DLGAP2: variants seen among roughly 807,000 people sequenced by gnomAD.
DLGAP2 encodes the protein DLG associated protein 2, also known as disks large-associated protein 2.
DLGAP2 carries 26 observed loss-of-function variants against 100.3 expected under a neutral mutation model. That is an observed-to-expected ratio of 0.26 (90% CI 0.19 to 0.36). The LOEUF is 0.36. Among genes scored for constraint, DLGAP2 ranks in the 10% least tolerant of loss-of-function variants. The pLI is 1.00. For synonymous variants in DLGAP2, 886 were observed against 630.1 expected, an observed-to-expected ratio of 1.41 and a Z score of -6.08; for missense variants, 1,858 against 1,453.2, an observed-to-expected ratio of 1.28 and a Z score of -4.53.
Position 853,439 on chromosome 8 carries a change from G to C in DLGAP2, c.19-54473G>C, listed in dbSNP as rs146437190. 3.2e-3 allele frequency among the ~76,000 whole-genome samples: 482 copies of C among 152,338 alleles called. 11 individuals carry two copies. The highest frequency in any genetic ancestry group is 3.7e-4 in the Non-Finnish European group (25 of 68,034). On this transcript the variant is annotated intron_variant, in intron 1 of 14. Coordinates refer to ENST00000637795, the MANE Select transcript of DLGAP2 (RefSeq NM_001346810.2). ...AGACAGCCCTGCCAGCAGGAGAGCA[G>C]GTGTGTGGTATAAACATCATCTGCA...
At chr8:1,555,242 G>A (rs1284272069) in intron 5 of DLGAP2, among the ~76,000 whole-genome samples, 1 of 152,088 alleles carries the variant, frequency 6.6e-6, no homozygotes, top group Non-Finnish European at 1.5e-5. Flanking sequence ...CGAGTTTCTG[G>A]TCTGGATCTC....
Position 1,351,954 on chromosome 8 carries a change from G to C in DLGAP2, c.106+93071G>C, listed in dbSNP as rs570952057. 7.1e-3 allele frequency among the ~76,000 whole-genome samples: 563 copies of C among 79,584 alleles called. 41 individuals carry two copies. Among genetic ancestry groups the C allele is most frequent in the African/African-American group, 0.023 (544 of 24,014 alleles). The allele number at this position is 79,584 out of a possible 152,430, so 52.2% of individuals were successfully genotyped here. ...TGACTGTGTGTGGAAAGGCCGTGCGGGTCCTGAGTGTGTGTGGAAACGCCG... is the reference window on the plus strand; with the variant it reads ...TGACTGTGTGTGGAAAGGCCGTGCGCGTCCTGAGTGTGTGTGGAAACGCCG... On this transcript the variant is annotated intron_variant, in intron 3 of 14. Transcript: ENST00000637795.
intron 2 of DLGAP2, among the ~76,000 whole-genome samples, chr8:1,052,171 G>A (rs148288103): frequency 6.6e-5 from 10 of 152,252 alleles, no homozygotes; most frequent in Non-Finnish European, 1.3e-4. Context: ...GCCTGGGCCC[G>A]GCCGCCCTTC....
intron 2 of DLGAP2, among the ~76,000 whole-genome samples, chr8:1,124,248 C>G (rs1269981121): frequency 2.0e-5 from 3 of 152,172 alleles, no homozygotes; most frequent in African/African-American, 7.2e-5. Flanking sequence ...AGGGAGAGGA[C>G]CATGGGCTAA....
intron 1 of DLGAP2, among the ~76,000 whole-genome samples, chr8:801,418 T>A (rs1796149074): frequency 6.6e-6 from 1 of 152,212 alleles, no homozygotes; most frequent in African/African-American, 2.4e-5. Flanking sequence ...GCCCCACTCT[T>A]ATGCTAAAGT....
chr8:1,009,628 C>T (rs562721291), intron 2 of DLGAP2, among the ~76,000 whole-genome samples: 94 of 152,276 alleles, frequency 6.2e-4, no homozygotes, highest in African/African-American at 2.2e-3. Context: ...GAAGCAGAGT[C>T]CATTACCTGG....
intron 2 of DLGAP2, among the ~76,000 whole-genome samples, chr8:1,101,328 C>A: frequency 6.6e-6 from 1 of 152,214 alleles, no homozygotes; most frequent in East Asian, 1.9e-4. Context: ...CCAGTGTATG[C>A]TCTGCTTGCA....
intron 1 of DLGAP2, among the ~76,000 whole-genome samples, chr8:849,623 G>A (rs1323303400): frequency 6.6e-6 from 1 of 152,150 alleles, no homozygotes; most frequent in Non-Finnish European, 1.5e-5. Flanking sequence ...TGTAGCCTGG[G>A]CTAATGGTCT....
intron 1 of DLGAP2, among the ~76,000 whole-genome samples, chr8:799,300 G>C (rs1379013189): frequency 3.3e-5 from 5 of 152,122 alleles, no homozygotes; most frequent in African/African-American, 1.2e-4. Flanking sequence ...CACTGGCAGA[G>C]GCTTTGTTTA....
At chr8:1,584,151 C>T (rs1324697192) in intron 6 of DLGAP2, among the ~76,000 whole-genome samples, 1 of 152,148 alleles carries the variant, frequency 6.6e-6, no homozygotes, top group Non-Finnish European at 1.5e-5. Flanking sequence ...ATGTGCTCCT[C>T]ACACACTGGA....
intron 3 of DLGAP2, among the ~76,000 whole-genome samples, chr8:1,279,759 A>G (rs1799778465): frequency 6.6e-6 from 1 of 152,190 alleles, no homozygotes; most frequent in Non-Finnish European, 1.5e-5. Flanking sequence ...AGCTGCTTCA[A>G]AGCCAGCAAC....
At chr8:1,572,226 A>G (rs1428917157) in intron 6 of DLGAP2, among the ~76,000 whole-genome samples, 4 of 109,878 alleles carry the variant, frequency 3.6e-5, no homozygotes, top group Admixed American at 1.0e-4. Context: ...ATCTGATGAG[A>G]TGGAGAGGAG....
intron 2 of DLGAP2, among the ~76,000 whole-genome samples, chr8:1,012,491 A>G (rs1467162666): frequency 1.4e-5 from 2 of 148,054 alleles, no homozygotes; most frequent in African/African-American, 2.5e-5. Flanking sequence ...CCGTCTGACC[A>G]GCCCCCCACT....
intron 3 of DLGAP2, among the ~76,000 whole-genome samples, chr8:1,458,490 T>A (rs145554707): frequency 1.8e-4 from 28 of 152,332 alleles, no homozygotes; most frequent in African/African-American, 6.7e-4. Context: ...TTCCTATGGT[T>A]CAACCTGACA....
At chr8:965,267 C>G (rs1799826660) in intron 2 of DLGAP2, among the ~76,000 whole-genome samples, 1 of 145,668 alleles carries the variant, frequency 6.9e-6, no homozygotes, top group Admixed American at 6.8e-5. Flanking sequence ...TGAGCCCAAC[C>G]CCCGCGTGCA....
intron 1 of DLGAP2, chr8:738,533 G>A (rs1820383978): frequency 6.6e-6 from 1 of 152,312 alleles, no homozygotes; most frequent in Non-Finnish European, 1.5e-5. Context: ...TTGTAACTAA[G>A]CCTCCCCCGG....
intron 3 of DLGAP2, among the ~76,000 whole-genome samples, chr8:1,303,362 A>T (rs1204781393): frequency 6.8e-6 from 1 of 147,078 alleles, no homozygotes; most frequent in African/African-American, 2.5e-5. Flanking sequence ...GCGCCACCGC[A>T]CTCCAGCCTG....
At chr8:1,203,645 T>C (rs73670671) in intron 2 of DLGAP2, among the ~76,000 whole-genome samples, 40,203 of 152,156 alleles carry the variant, frequency 0.26, 5,853 homozygotes, top group Middle Eastern at 0.41. Flanking sequence ...TGTCTTTATA[T>C]CAAGGAATGG....
chr8:1,377,146 C>A (rs1211834205), intron 3 of DLGAP2, among the ~76,000 whole-genome samples: 2 of 152,192 alleles, frequency 1.3e-5, no homozygotes, highest in African/African-American at 4.8e-5. Flanking sequence ...CGGGGCCCAG[C>A]CCCACAGCAC....
Sources: allele counts gnomAD v4.1 joint callset (sites outside exome capture counted in the v4.1 genomes callset), GRCh38; gene constraint gnomAD v4.1.1; transcripts MANE v1.5; gene names NCBI Gene and HGNC (gene_info 2026-07-23, HGNC 2026-07-21).